The following ZNF597 variants were observed in gnomAD, a reference collection of about 807,000 sequenced individuals.
ZNF597 encodes the protein zinc finger protein 597.
A neutral mutation model predicts 7.3 loss-of-function variants in ZNF597; 5 were observed. The observed-to-expected ratio is 0.68, with a 90% confidence interval of 0.36 to 1.44. ZNF597 has a LOEUF of 1.44. ZNF597 is among the 40% of genes most tolerant of loss of function. The pLI is 0.04. For synonymous variants in ZNF597, 209 were observed against 185.4 expected (o/e 1.13, Z -1.04); for missense variants, 585 against 517.9 (o/e 1.13, Z -1.26).
rs2034276345 is a variant in ZNF597 at position 3,433,920 on chromosome 16, A to AT, written c.*2503dup. On this transcript the variant is annotated 3_prime_UTR_variant, in exon 4 of 4. Transcript: ENST00000301744. ...TATGTTAATGTTTCTGAAAAGGGCT[A>AT]TTTTTTCTAATCTTTTAGGAAGTTT... 1 of 152,108 alleles carries AT rather than the reference A, an allele frequency of 6.6e-6. No homozygotes were observed. Among genetic ancestry groups the AT allele is most frequent in the South Asian group, 2.1e-4 (1 of 4,820 alleles). The allele number at this position is 152,108 out of a possible 1,614,324, so 9.4% of individuals were successfully genotyped here. A position where few individuals can be genotyped will look rare whatever the true frequency, so the allele number is the denominator to read the frequency against.
In ZNF597 at chr16:3,436,396, T is replaced by A; in HGVS notation, c.*28A>T. ...ACCATACAGATACTGAAAAGCCCAA[T>A]CACTAATAACAATTTGTTATATTTA... On this transcript the variant is annotated 3_prime_UTR_variant, in exon 4 of 4. Transcript: ENST00000301744. The A allele has an allele frequency of 6.3e-7, 1 of 1,597,900 alleles. No homozygotes were observed. Among genetic ancestry groups the A allele is most frequent in the Non-Finnish European group, 8.5e-7 (1 of 1,171,096 alleles).
chr16:3,440,049 A>C (rs1467440398), intron 3 of ZNF597, among the ~76,000 whole-genome samples: 1 of 152,128 alleles, frequency 6.6e-6, no homozygotes, highest in Non-Finnish European at 1.5e-5. Context: ...ACTATTCCAA[A>C]CTATTTAGAA....
At chr16:3,437,585 G>C (rs966879851) in intron 3 of ZNF597, 47 bp from the exon 4 acceptor site, 4 of 1,527,592 alleles carry the variant, frequency 2.6e-6, no homozygotes, top group Non-Finnish European at 3.5e-6. Context: ...ATATCTTCAA[G>C]GGATACTGGG....
Position 3,433,949 on chromosome 16 carries a change from G to A in ZNF597, c.*2475C>T, listed in dbSNP as rs371416841. ...TTTCTAATCTTTTAGGAAGTTTGTC[G>A]TAATCTTCCAAAATCTGGAGAAAAC... On this transcript the variant is annotated 3_prime_UTR_variant, in exon 4 of 4. Transcript: ENST00000301744. The A allele has an allele frequency of 8.6e-5, 13 of 150,876 alleles. No individual in the cohort carries two copies. The highest frequency in any genetic ancestry group is 2.0e-4 in the Admixed American group (3 of 15,166). 9.3% of individuals were successfully genotyped at this position (150,876 alleles called of 1,614,324 possible). A position where few individuals can be genotyped will look rare whatever the true frequency, so the allele number is the denominator to read the frequency against.
Position 3,433,110 on chromosome 16 carries a change from G to C in ZNF597, c.*3314C>G, listed in dbSNP as rs1466029947. ...GCATTTGCTGTGAAATGTCATTTGA[G>C]TTTTAACTCCCTGAATTATTGGGTT... On this transcript the variant is annotated 3_prime_UTR_variant, in exon 4 of 4. Coordinates refer to ENST00000301744, the MANE Select transcript of ZNF597 (RefSeq NM_152457.3). The C allele has an allele frequency of 6.6e-6, 1 of 152,172 alleles. No homozygotes were observed. The highest frequency in any genetic ancestry group is 1.5e-5 in the Non-Finnish European group (1 of 68,018). 9.4% of individuals were successfully genotyped at this position (152,172 alleles called of 1,614,324 possible).
chr16:3,436,357 A>G lies in ZNF597; in HGVS notation c.*67T>C. 1 of 1,475,900 alleles carries G rather than the reference A, an allele frequency of 6.8e-7. No homozygotes were observed. The highest frequency in any genetic ancestry group is 1.3e-5 in the South Asian group (1 of 78,166). 91.4% of individuals were successfully genotyped at this position (1,475,900 alleles called of 1,614,324 possible). ...TTAGCACATTGCCTGGGACATATAC[A>G]GTAACTGCTTCCCACCATACAGATA... is the stretch of plus-strand genomic sequence containing the variant. On this transcript the variant is annotated 3_prime_UTR_variant, in exon 4 of 4. Coordinates refer to ENST00000301744, the MANE Select transcript of ZNF597 (RefSeq NM_152457.3).
intron 2 of ZNF597, among the ~76,000 whole-genome samples, 180 bp from the exon 3 acceptor site, chr16:3,441,113 AAG>A (rs1335330576): frequency 1.3e-5 from 2 of 152,228 alleles, no homozygotes; most frequent in Admixed American, 6.5e-5. Context: ...GGTTGGGAAG[AAG>A]AGAGTAAACA....
chr16:3,441,846 G>A (rs1353152397), intron 2 of ZNF597, among the ~76,000 whole-genome samples: 1 of 151,780 alleles, frequency 6.6e-6, no homozygotes, highest in African/African-American at 2.4e-5. Context: ...CAGATGTGGT[G>A]GCATGCGCCT....
At position 3,434,244 on chromosome 16, in the gene ZNF597, G is replaced by T. The variant is rs751842760; in HGVS notation, c.*2180C>A. On this transcript the variant is annotated 3_prime_UTR_variant, in exon 4 of 4. Transcript: ENST00000301744. ...TCATCCCCCATCCTGTGACTCATTA[G>T]ATCTTTGACTGAACTCTTAGGGCCC... The T allele has an allele frequency of 4.6e-5, 7 of 152,202 alleles. No individual in the cohort carries two copies. The highest frequency in any genetic ancestry group is 1.0e-4 in the Non-Finnish European group (7 of 68,060). 9.4% of individuals were successfully genotyped at this position (152,202 alleles called of 1,614,324 possible).
chr16:3,441,795 A>C (rs1030411107), intron 2 of ZNF597, among the ~76,000 whole-genome samples: 10 of 150,938 alleles, frequency 6.6e-5, no homozygotes, highest in Non-Finnish European at 1.3e-4. Flanking sequence ...AACAAAAAAA[A>C]CTCTGTCTCA....
intron 2 of ZNF597, among the ~76,000 whole-genome samples, chr16:3,441,264 G>C (rs2034365954): frequency 1.3e-5 from 2 of 152,162 alleles, no homozygotes; most frequent in Non-Finnish European, 2.9e-5. Context: ...GGAGAGGTTT[G>C]GGGCCGGGTG....
chr16:3,441,596 G>A (rs1192222834), intron 2 of ZNF597, among the ~76,000 whole-genome samples: 1 of 152,148 alleles, frequency 6.6e-6, no homozygotes, highest in African/African-American at 2.4e-5. Context: ...TGAGGCAGGA[G>A]AATCATTTGA....
intron 3 of ZNF597, 23 bp downstream of exon 3, chr16:3,440,784 T>G: frequency 6.2e-7 from 1 of 1,612,398 alleles, no homozygotes; most frequent in Non-Finnish European, 8.5e-7. Flanking sequence ...AAGTTCCAGA[T>G]GCAGGAAAAA....
chr16:3,434,055 G>GA lies in ZNF597; in HGVS notation c.*2368dup, dbSNP rs2034278049. 1 of 152,134 alleles carries GA rather than the reference G, an allele frequency of 6.6e-6. No homozygotes were observed. The highest frequency in any genetic ancestry group is 6.5e-5 in the Admixed American group (1 of 15,272). 9.4% of individuals were successfully genotyped at this position (152,134 alleles called of 1,614,324 possible). A position where few individuals can be genotyped will look rare whatever the true frequency, so the allele number is the denominator to read the frequency against. On this transcript the variant is annotated 3_prime_UTR_variant, in exon 4 of 4. Coordinates refer to ENST00000301744, the MANE Select transcript of ZNF597 (RefSeq NM_152457.3). ...ACTTCCATATTAAGGTGCAGAACAG[G>GA]ATGTATGGCACAAATTCTCACTTTC...
In ZNF597 at chr16:3,432,602, A is replaced by G. The variant is rs1025532087; in HGVS notation, c.*3822T>C. 12 of 152,222 alleles carry G rather than the reference A, an allele frequency of 7.9e-5. No homozygotes were observed. The highest frequency in any genetic ancestry group is 2.9e-4 in the African/African-American group (12 of 41,450). 9.4% of individuals were successfully genotyped at this position (152,222 alleles called of 1,614,324 possible). A position where few individuals can be genotyped will look rare whatever the true frequency, so the allele number is the denominator to read the frequency against. On this transcript the variant is annotated 3_prime_UTR_variant, in exon 4 of 4. Transcript: ENST00000301744. The stretch of plus-strand genomic sequence containing the variant: ...ATTCTGAGGTATCCAAAGGAACTGG[A>G]GATTACAGCACATTCTTACGTTTAC...
At chr16:3,441,076 C>A in intron 2 of ZNF597, 143 bp from the exon 3 acceptor site, 348 of 948,090 alleles carry the variant, frequency 3.7e-4, no homozygotes, top group Middle Eastern at 7.7e-4. Context: ...AGAAGTAGGG[C>A]AAATGGGTTC....
At chr16:3,438,480 G>A (rs978343088) in intron 3 of ZNF597, among the ~76,000 whole-genome samples, 2 of 151,542 alleles carry the variant, frequency 1.3e-5, no homozygotes, top group African/African-American at 4.9e-5. Context: ...GGAGAATGGC[G>A]TGAACCCAGG....
At position 3,432,682 on chromosome 16, in the gene ZNF597, T is replaced by C. The variant is rs1271212094; in HGVS notation, c.*3742A>G. 1 of 152,238 alleles carries C rather than the reference T, an allele frequency of 6.6e-6. No individual in the cohort carries two copies. Among genetic ancestry groups the C allele is most frequent in the Non-Finnish European group, 1.5e-5 (1 of 68,050 alleles). 9.4% of individuals were successfully genotyped at this position (152,238 alleles called of 1,614,324 possible). ...CCTACAGACTTAATGCAAAGAGGAC[T>C]GTCAATTTTAAAAGACAAAACACCT... On this transcript the variant is annotated 3_prime_UTR_variant, in exon 4 of 4. Coordinates refer to ENST00000301744, the MANE Select transcript of ZNF597 (RefSeq NM_152457.3).
intron 2 of ZNF597, among the ~76,000 whole-genome samples, 173 bp from the exon 3 acceptor site, chr16:3,441,106 TG>T (rs778433317): frequency 2.0e-5 from 3 of 152,100 alleles, no homozygotes; most frequent in Non-Finnish European, 2.9e-5. Context: ...GGGTGAGGGT[TG>T]GGAAGAAGAG....
Sources: allele counts gnomAD v4.1 joint callset (sites outside exome capture counted in the v4.1 genomes callset), GRCh38; gene constraint gnomAD v4.1.1; transcripts MANE v1.5; gene names NCBI Gene and HGNC (gene_info 2026-07-23, HGNC 2026-07-21).